The following PHF2 variants were observed in gnomAD, a reference collection of about 807,000 sequenced individuals.
The protein encoded by PHF2 is PHD finger protein 2, also known as lysine-specific demethylase PHF2.
A neutral mutation model predicts 120.5 loss-of-function variants in PHF2; 27 were observed. The observed-to-expected ratio is 0.22, with a 90% CI of 0.17 to 0.31. The LOEUF is 0.31. Ranked by LOEUF, PHF2 falls within the 10% of genes least tolerant of loss-of-function variation. The pLI is 1.00. For synonymous variants in PHF2, 568 were observed against 592.5 expected, an observed-to-expected ratio of 0.96 and a Z score of 0.60; for missense variants, 1,024 against 1,434.8, an observed-to-expected ratio of 0.71 and a Z score of 4.63.
In PHF2 at chr9:93,677,090, G is replaced by T; in HGVS notation, c.3202+127G>T. On this transcript the variant is annotated intron_variant, in intron 21 of 21. Coordinates refer to ENST00000359246, the MANE Select transcript of PHF2 (RefSeq NM_005392.4). This position sits in a 1 kb window ranked among gnomAD's most constrained non-coding sequence, Gnocchi z 4.4. ...TGGGAGGGCTCCTGGGCCTTGGGTGGCAGGGTGCTGTGGTCCAAGTTGGTT... is the reference window on the plus strand; with the variant it reads ...TGGGAGGGCTCCTGGGCCTTGGGTGTCAGGGTGCTGTGGTCCAAGTTGGTT... 9.6e-7 allele frequency: 1 copy of T among 1,043,286 alleles called. No individual in the cohort carries two copies. 64.6% of individuals were successfully genotyped at this position (1,043,286 alleles called of 1,614,324 possible). A position where few individuals can be genotyped will look rare whatever the true frequency, so the allele number is the denominator to read the frequency against.
At chr9:93,613,985 G>C (rs372245726) in intron 1 of PHF2, among the ~76,000 whole-genome samples, 2 of 152,176 alleles carry the variant, frequency 1.3e-5, no homozygotes, top group African/African-American at 4.8e-5. Context: ...CTTTCTTGCT[G>C]TTTAATCCTC....
chr9:93,582,419 C>T (rs185864383), intron 1 of PHF2, among the ~76,000 whole-genome samples: 23 of 152,322 alleles, frequency 1.5e-4, no homozygotes, highest in African/African-American at 5.5e-4. Flanking sequence ...CTGACTGCAG[C>T]AGCTCCCTCC....
intron 18 of PHF2, 70 bp from the exon 19 acceptor site, chr9:93,674,857 A>G: frequency 9.1e-7 from 1 of 1,096,496 alleles, no homozygotes; most frequent in Non-Finnish European, 1.4e-6. Flanking sequence ...AGCCACCTGT[A>G]CCCCCCCGCC....
chr9:93,590,898 A>G (rs1218521221), intron 1 of PHF2, among the ~76,000 whole-genome samples: 1 of 152,200 alleles, frequency 6.6e-6, no homozygotes, highest in East Asian at 1.9e-4. Flanking sequence ...TGAGATTTGA[A>G]TATCCCTTTA....
chr9:93,645,870 C>T (rs892847209), intron 4 of PHF2, 81 bp downstream of exon 4: 42 of 1,440,666 alleles, frequency 2.9e-5, no homozygotes, highest in Admixed American at 2.3e-5. Context: ...GCTGTTTCCC[C>T]ACGCCCTGGC....
chr9:93,674,853 C>A, intron 18 of PHF2, 74 bp from the exon 19 acceptor site: 5 of 1,069,670 alleles, frequency 4.7e-6, no homozygotes, highest in South Asian at 3.9e-5. Flanking sequence ...CTGCAGCCAC[C>A]TGTACCCCCC....
At chr9:93,671,138 G>A in intron 17 of PHF2, 1 of 979,950 alleles carries the variant, frequency 1.0e-6, no homozygotes, top group Non-Finnish European at 1.2e-6. Context: ...AGGTGTAGGT[G>A]CAGATGCAGG....
At chr9:93,664,259 G>A (rs146144676) in intron 14 of PHF2, among the ~76,000 whole-genome samples, 11 of 152,272 alleles carry the variant, frequency 7.2e-5, no homozygotes, top group African/African-American at 2.2e-4. Flanking sequence ...TCCTGGAGAC[G>A]GCACTGAGCA....
At chr9:93,580,148 C>T (rs557542351) in intron 1 of PHF2, among the ~76,000 whole-genome samples, 29 of 152,310 alleles carry the variant, frequency 1.9e-4, no homozygotes, top group African/African-American at 5.8e-4. Context: ...ATTCCTCCTC[C>T]GGCCCCATCT....
chr9:93,671,155 T>C, intron 17 of PHF2: 8 of 980,816 alleles, frequency 8.2e-6, no homozygotes, highest in Non-Finnish European at 9.7e-6. Context: ...CAGGTGTGGA[T>C]GTAGGTGTGG....
rs569973999 is a variant in PHF2 at position 93,622,676 on chromosome 9, C to T, written c.99-7294C>T. Among the ~76,000 whole-genome samples, 9 of 152,278 alleles carry T rather than the reference C, an allele frequency of 5.9e-5. 1 individual carries two copies. In the South Asian group the frequency reaches 8.3e-4, roughly 14 times the overall value. On this transcript the variant is annotated intron_variant, in intron 1 of 21. Coordinates refer to ENST00000359246, the MANE Select transcript of PHF2 (RefSeq NM_005392.4). The stretch of plus-strand genomic sequence containing the variant: ...CCTTGCCCACACCTTGATTTTAGCC[C>T]GGTGAGACCCATTTGGACTTCTGAC...
At chr9:93,580,980 C>T (rs1402489091) in intron 1 of PHF2, among the ~76,000 whole-genome samples, 1 of 152,068 alleles carries the variant, frequency 6.6e-6, no homozygotes, top group Non-Finnish European at 1.5e-5. Flanking sequence ...GTGACTGTCA[C>T]CCTGCCTGTG....
chr9:93,584,811 A>G (rs1863005561), intron 1 of PHF2, among the ~76,000 whole-genome samples: 9 of 152,208 alleles, frequency 5.9e-5, no homozygotes, highest in Admixed American at 5.9e-4. Flanking sequence ...GATTGTGTTC[A>G]GCCTGTAGAT....
chr9:93,596,772 T>C (rs191371551), intron 1 of PHF2, among the ~76,000 whole-genome samples: 13 of 152,078 alleles, frequency 8.5e-5, no homozygotes, highest in African/African-American at 3.1e-4. Flanking sequence ...TTTTTGTTTT[T>C]TGTTTTGAGA....
chr9:93,654,684 C>T, intron 7 of PHF2, 109 bp downstream of exon 7: 2 of 998,780 alleles, frequency 2.0e-6, no homozygotes, highest in Non-Finnish European at 3.1e-6. Flanking sequence ...CTTCGGCATC[C>T]CTGGCATGCC....
intron 1 of PHF2, among the ~76,000 whole-genome samples, chr9:93,586,671 G>A (rs1863050406): frequency 6.6e-6 from 1 of 152,280 alleles, no homozygotes; most frequent in Non-Finnish European, 1.5e-5. Context: ...AGCTGTGCTA[G>A]GAGTCAAGAG....
chr9:93,597,222 C>A (rs1003934571), intron 1 of PHF2, among the ~76,000 whole-genome samples: 1 of 152,318 alleles, frequency 6.6e-6, no homozygotes, highest in African/African-American at 2.4e-5. Context: ...AGCCATCGCG[C>A]CTGGCCTCTG....
intron 4 of PHF2, among the ~76,000 whole-genome samples, chr9:93,648,208 A>C (rs1826295232): frequency 6.6e-6 from 1 of 152,212 alleles, no homozygotes; most frequent in Non-Finnish European, 1.5e-5. Flanking sequence ...TTGGTCCTGC[A>C]GAATGTCCCA....
In PHF2 at chr9:93,677,858, A is replaced by G. The variant is rs577445845; in HGVS notation, c.*182A>G. The G allele has an allele frequency of 6.8e-6, 4 of 585,334 alleles. No individual in the cohort carries two copies. Among genetic ancestry groups the G allele is most frequent in the Admixed American group, 6.5e-5 (2 of 30,798 alleles). 36.3% of individuals were successfully genotyped at this position (585,334 alleles called of 1,614,324 possible). A position where few individuals can be genotyped will look rare whatever the true frequency, so the allele number is the denominator to read the frequency against. On this transcript the variant is annotated 3_prime_UTR_variant, in exon 22 of 22. Transcript: ENST00000359246. The surrounding 1 kb of genome is among the most constrained non-coding windows in gnomAD (Gnocchi z 4.4). ...AGAGCGAGCCCAGCGTGGCCCCTCAATTTGAAAATGGACGTCTTTTCTCAA... is the reference window on the plus strand; with the variant it reads ...AGAGCGAGCCCAGCGTGGCCCCTCAGTTTGAAAATGGACGTCTTTTCTCAA...
Sources: gnomAD v4.1 joint callset for allele counts (sites outside exome capture counted in the v4.1 genomes callset) on GRCh38, gnomAD v4.1.1 for gene constraint, Gnocchi (gnomAD v3.1) non-coding constraint, MANE v1.5 for transcripts, NCBI Gene and HGNC (gene_info 2026-07-23, HGNC 2026-07-21) for gene names.